The following SPATA25 variants were observed in gnomAD, a reference collection of about 807,000 sequenced individuals.
SPATA25 encodes spermatogenesis associated 25, also known as spermatogenesis-associated protein 25.
SPATA25 carries 16 observed loss-of-function variants against 16.0 expected under a neutral mutation model. The observed-to-expected ratio is 1.00, with a 90% CI of 0.68 to 1.52. The LOEUF is 1.52. Ranked by LOEUF, SPATA25 falls within the 40% of genes most tolerant of loss-of-function variation. The probability of loss-of-function intolerance (pLI) is 0.00; values close to 1 mark genes in which losing one functional copy is unlikely to be tolerated. For synonymous variants in SPATA25, 115 were observed against 118.5 expected (o/e 0.97, Z 0.19); for missense variants, 285 against 289.2 (o/e 0.99, Z 0.11).
upstream of SPATA25, chr20:45,890,622 G>T: frequency 1.9e-6 from 3 of 1,612,974 alleles, no homozygotes; most frequent in South Asian, 3.3e-5. Flanking sequence ...CGGCCCTCCC[G>T]GGGCACGCGG....
Position 45,887,575 on chromosome 20 carries a change from TC to T in SPATA25, c.15del (p.Thr6LeufsTer29), listed in dbSNP as rs1244438179. On this transcript the variant is annotated frameshift_variant, in exon 1 of 2. Transcript: ENST00000372519. LOFTEE classifies it high-confidence loss of function. ...AGAGGACCTGGATGAGTTTGTGGAG[TC>T]CTGAAGTAGGACATGGCTTCCCCAA... Reference protein sequence around the residue: MSYFRTPQTHPGPLP... With the variant: MSYFXTPQTHPGPLP... 6.2e-7 allele frequency: 1 copy of T among 1,613,630 alleles called. No homozygotes were observed. The highest frequency in any genetic ancestry group is 1.7e-5 in the Admixed American group (1 of 59,980).
intron 1 of SPATA25, 151 bp from the exon 2 acceptor site, chr20:45,887,296 C>A: frequency 1.0e-6 from 1 of 989,602 alleles, no homozygotes. Context: ...TACTCATATC[C>A]ACACTCCCAG....
chr20:45,888,685 G>A, upstream of SPATA25: 7 of 1,470,092 alleles, frequency 4.8e-6, no homozygotes, highest in Non-Finnish European at 4.7e-6. Flanking sequence ...GCAGCAATGT[G>A]GCCAACTTCG....
At chr20:45,890,740 A>G (rs1454244313), upstream of SPATA25, 1 of 1,613,188 alleles carries the variant, frequency 6.2e-7, no homozygotes, top group South Asian at 1.1e-5. Flanking sequence ...GCGCGGTCAG[A>G]CCGAGACGCA....
chr20:45,887,241 T>C, intron 1 of SPATA25, 96 bp from the exon 2 acceptor site: 1 of 1,425,992 alleles, frequency 7.0e-7, no homozygotes, highest in Non-Finnish European at 9.4e-7. Flanking sequence ...GGGGCGTAAC[T>C]AAGACCAGCC....
chr20:45,887,740 A>G (rs1434194791), upstream of SPATA25: 32 of 616,762 alleles, frequency 5.2e-5, no homozygotes, highest in Admixed American at 1.0e-3. Flanking sequence ...GAACCTGGAC[A>G]TGACAATAGG....
upstream of SPATA25, chr20:45,888,576 A>C (rs1187679720): frequency 4.9e-6 from 3 of 607,542 alleles, no homozygotes; most frequent in African/African-American, 5.6e-5. Context: ...GCTGACCTGC[A>C]GTGATTCTAA....
chr20:45,890,455 G>A, upstream of SPATA25: 1 of 1,606,416 alleles, frequency 6.2e-7, no homozygotes, highest in Non-Finnish European at 8.5e-7. Flanking sequence ...GAGGCAGCAC[G>A]TTCAGCTCAT....
chr20:45,888,285 T>G (rs1601131324), upstream of SPATA25, among the ~76,000 whole-genome samples: 2 of 152,210 alleles, frequency 1.3e-5, no homozygotes, highest in East Asian at 3.8e-4. Flanking sequence ...CCCAAAGTGC[T>G]GGGATTACAG....
chr20:45,889,527 A>C (rs1282197202), upstream of SPATA25, among the ~76,000 whole-genome samples: 2 of 151,686 alleles, frequency 1.3e-5, no homozygotes, highest in African/African-American at 4.9e-5. Flanking sequence ...TAATTATTTA[A>C]TTTTTTGTAC....
At chr20:45,890,504 C>A, upstream of SPATA25, 1 of 1,598,582 alleles carries the variant, frequency 6.3e-7, no homozygotes. Context: ...CCCTGGCCGG[C>A]TGCGGCCCAC....
chr20:45,890,833 C>T (rs1031926351), upstream of SPATA25: 1 of 1,569,830 alleles, frequency 6.4e-7, no homozygotes. Flanking sequence ...GGCTGAAGCA[C>T]ACGCCGTGGG....
chr20:45,887,425 C>T, intron 1 of SPATA25, 111 bp downstream of exon 1: 3 of 1,066,028 alleles, frequency 2.8e-6, no homozygotes, highest in Non-Finnish European at 4.0e-6. Flanking sequence ...AGAATTGATT[C>T]TAGGGCCAGC....
upstream of SPATA25, chr20:45,890,314 G>C (rs115355487): frequency 1.6e-3 from 2,511 of 1,613,366 alleles, 25 homozygotes; most frequent in African/African-American, 0.02. Context: ...CCACCGCGTA[G>C]AGGGGCTGCG....
At chr20:45,890,654 A>G, upstream of SPATA25, 1 of 1,613,502 alleles carries the variant, frequency 6.2e-7, no homozygotes, top group East Asian at 2.2e-5. Flanking sequence ...CGTGATGGCG[A>G]AGACCCAGGT....
intron 1 of SPATA25, 95 bp from the exon 2 acceptor site, chr20:45,887,240 C>T: frequency 1.4e-6 from 2 of 1,430,096 alleles, no homozygotes; most frequent in South Asian, 1.4e-5. Flanking sequence ...GGGGGCGTAA[C>T]TAAGACCAGC....
chr20:45,890,403 G>A (rs376732514), upstream of SPATA25: 51 of 1,612,462 alleles, frequency 3.2e-5, no homozygotes, highest in Middle Eastern at 6.6e-4. Flanking sequence ...CCATCGGGGC[G>A]CGGGCAAAAG....
At chr20:45,888,986 T>TA, upstream of SPATA25, 2 of 1,241,986 alleles carry the variant, frequency 1.6e-6, no homozygotes, top group Non-Finnish European at 2.2e-6. Context: ...GGCAAGTCCT[T>TA]ACTGCTCTCT....
chr20:45,887,003 T>C lies in SPATA25; in HGVS notation c.198A>G (p.Ala66=), dbSNP rs996519674. The C allele has an allele frequency of 1.2e-6, 2 of 1,613,536 alleles. No homozygotes were observed. The highest frequency in any genetic ancestry group is 1.7e-6 in the Non-Finnish European group (2 of 1,180,028). ...CAGGGCAGCCCCTGGCTTGTGGCAT[T>C]GCCAGGGCTGGGCCCCAGGCCTGGG... ...PAAQAWGPAL[A]MPQARGCPGG... Residue 66 remains alanine, a synonymous_variant, in exon 2 of 2, where the codon GCA becomes GCG. Coordinates refer to ENST00000372519, the MANE Select transcript of SPATA25 (RefSeq NM_080608.4).
Sources: allele counts gnomAD v4.1 joint callset (sites outside exome capture counted in the v4.1 genomes callset), GRCh38; gene constraint gnomAD v4.1.1; transcripts MANE v1.5; gene names NCBI Gene and HGNC (gene_info 2026-07-23, HGNC 2026-07-21).